The following CDH1 variants were observed in gnomAD, a reference collection of about 807,000 sequenced individuals.
CDH1 encodes cadherin-1.
A neutral mutation model predicts 84.5 loss-of-function variants in CDH1; 35 were observed. That is an observed-to-expected ratio of 0.41 (90% CI 0.32 to 0.55). The LOEUF is 0.55. Among genes scored for constraint, CDH1 ranks in the 20% least tolerant of loss-of-function variants. CDH1 has a pLI of 0.19. For missense variants in CDH1, 994 were observed against 1,126.6 expected, an observed-to-expected ratio of 0.88 and a Z score of 1.68; for synonymous variants, 417 against 439.0, an observed-to-expected ratio of 0.95 and a Z score of 0.63.
intron 2 of CDH1, among the ~76,000 whole-genome samples, chr16:68,787,521 TTA>T (rs1491161532): frequency 6.6e-6 from 1 of 152,122 alleles, no homozygotes; most frequent in African/African-American, 2.4e-5. Flanking sequence ...TTTTTTTTTT[TTA>T]AATAGAGATG....
intron 2 of CDH1, among the ~76,000 whole-genome samples, chr16:68,753,212 C>CAAAAA (rs55703202): frequency 5.1e-4 from 36 of 69,990 alleles, no homozygotes; most frequent in African/African-American, 1.7e-3. Flanking sequence ...GACTCAGTCT[C>CAAAAA]AAAAAAAAAA....
chr16:68,757,727 CTCTT>C lies in CDH1; in HGVS notation c.163+19328_163+19331del, dbSNP rs140916126. Among the ~76,000 whole-genome samples, 116 of 152,012 alleles carry C rather than the reference CTCTT, an allele frequency of 7.6e-4. 1 individual carries two copies. In the East Asian group the frequency reaches 0.011, roughly 14 times the overall value. On this transcript the variant is annotated intron_variant, in intron 2 of 15. Transcript: ENST00000261769. ...CCTGTGATTTTGGGCAAGTTTCTTT[CTCTT>C]TCTTTCTTTCTCTCTCTCTTTTTCT...
chr16:68,789,532 T>G (rs1960154616), intron 2 of CDH1, among the ~76,000 whole-genome samples: 1 of 152,028 alleles, frequency 6.6e-6, no homozygotes, highest in South Asian at 2.1e-4. Flanking sequence ...TTTTTTTTTT[T>G]GTAACAGCTT....
chr16:68,793,018 A>G (rs1375192997), intron 2 of CDH1, among the ~76,000 whole-genome samples: 1 of 152,102 alleles, frequency 6.6e-6, no homozygotes, highest in Admixed American at 6.6e-5. Context: ...CTTCATGCAA[A>G]TAAACTTCCA....
intron 2 of CDH1, among the ~76,000 whole-genome samples, chr16:68,787,277 A>G (rs1312105813): frequency 6.6e-6 from 1 of 152,148 alleles, no homozygotes; most frequent in Non-Finnish European, 1.5e-5. Context: ...TCTGGGGCGA[A>G]TGTTCCTTCA....
chr16:68,823,619 T>G lies in CDH1; in HGVS notation c.2157T>G (p.Ala719=), dbSNP rs762224244. ...AILGILGGIL[A]LLILILLLLL... ...TGGGGATTCTTGGAGGAATTCTTGC[T>G]TTGCTAAGTAAGTCCAGCTGGCAAG... Residue 719 remains alanine, a synonymous_variant, in exon 13 of 16, where the codon GCT becomes GCG. Coordinates refer to ENST00000261769, the MANE Select transcript of CDH1 (RefSeq NM_004360.5). The G allele has an allele frequency of 8.1e-6, 13 of 1,609,132 alleles. No individual in the cohort carries two copies. The South Asian group carries it at 1.1e-4, about 14-fold the overall frequency.
chr16:68,821,309 C>CA (rs374403857), intron 11 of CDH1, among the ~76,000 whole-genome samples: 8,519 of 151,656 alleles, frequency 0.056, 295 homozygotes, highest in African/African-American at 0.09. Flanking sequence ...CCCCTCTCTA[C>CA]AAAAAAAATT....
At chr16:68,806,883 A>G (rs1474116142) in intron 3 of CDH1, among the ~76,000 whole-genome samples, 2 of 152,170 alleles carry the variant, frequency 1.3e-5, no homozygotes, top group African/African-American at 4.8e-5. Context: ...ACATGTGGCC[A>G]GTGTGCAGCA....
At chr16:68,787,308 C>A (rs977021783) in intron 2 of CDH1, among the ~76,000 whole-genome samples, 1 of 152,180 alleles carries the variant, frequency 6.6e-6, no homozygotes, top group African/African-American at 2.4e-5. Flanking sequence ...TGCTCTGTGA[C>A]CTTGACAAGG....
chr16:68,741,834 C>G (rs1162212085), intron 2 of CDH1, among the ~76,000 whole-genome samples: 1 of 152,102 alleles, frequency 6.6e-6, no homozygotes, highest in African/African-American at 2.4e-5. Context: ...CACATGCCAC[C>G]ATGCCTTTGT....
At chr16:68,796,770 A>T (rs1026310749) in intron 2 of CDH1, among the ~76,000 whole-genome samples, 1 of 152,204 alleles carries the variant, frequency 6.6e-6, no homozygotes, top group South Asian at 2.1e-4. Context: ...TCATGAAAAA[A>T]AAAAGAATTC....
At chr16:68,802,834 A>G (rs1180817931) in intron 3 of CDH1, among the ~76,000 whole-genome samples, 1 of 152,150 alleles carries the variant, frequency 6.6e-6, no homozygotes, top group East Asian at 1.9e-4. Flanking sequence ...TTGGTGAAGA[A>G]GGAGAAGAAC....
At chr16:68,745,557 T>TATATGTATGTGTA (rs1176585006) in intron 2 of CDH1, among the ~76,000 whole-genome samples, 4 of 27,332 alleles carry the variant, frequency 1.5e-4, no homozygotes. Flanking sequence ...AAAATATATA[T>TATATGTATGTGTA]ATATATGTAT....
chr16:68,768,247 AATTACG>A (rs1412279991), intron 2 of CDH1, among the ~76,000 whole-genome samples: 2 of 152,184 alleles, frequency 1.3e-5, no homozygotes, highest in Admixed American at 1.3e-4. Flanking sequence ...CGCCCGGCTT[AATTACG>A]ATTTAAGAAA....
chr16:68,799,906 G>A (rs1044206286), intron 2 of CDH1, among the ~76,000 whole-genome samples: 6 of 151,914 alleles, frequency 3.9e-5, no homozygotes, highest in African/African-American at 1.5e-4. Flanking sequence ...CCAGCTACTC[G>A]GGAGGCTGAG....
rs33963999 is a variant in CDH1 at position 68,808,577 on chromosome 16, G to C, written c.531+10G>C. ...TAAAAACCTGGTTCAGGTAGAGAAA[G>C]AAGTTCTCTGTTTCTCTGGGAGGGA... On this transcript the variant is annotated intron_variant, in intron 4 of 15. Coordinates refer to ENST00000261769, the MANE Select transcript of CDH1 (RefSeq NM_004360.5). 0.052 allele frequency: 84,447 copies of C among 1,613,946 alleles called. 2,615 individuals carry two copies. Among genetic ancestry groups the C allele is most frequent in the Non-Finnish European group, 0.061 (71,995 of 1,179,830 alleles).
At chr16:68,788,376 A>T (rs1960121308) in intron 2 of CDH1, among the ~76,000 whole-genome samples, 1 of 152,212 alleles carries the variant, frequency 6.6e-6, no homozygotes, top group African/African-American at 2.4e-5. Flanking sequence ...TTGAGCTGTC[A>T]TCACAATCCA....
In CDH1 at chr16:68,822,525, C is replaced by T. The variant is rs954211046; in HGVS notation, c.1936+300C>T. On this transcript the variant is annotated intron_variant, in intron 12 of 15. Coordinates refer to ENST00000261769, the MANE Select transcript of CDH1 (RefSeq NM_004360.5). ...ACCAGGACCATCTTCTCTGCTACCTCCTGCTCCTGGGACCAAACAACACCA... is the reference window on the plus strand; with the variant it reads ...ACCAGGACCATCTTCTCTGCTACCTTCTGCTCCTGGGACCAAACAACACCA... 6 of 537,820 alleles carry T rather than the reference C, an allele frequency of 1.1e-5. No homozygotes were observed. The Admixed American group carries it at 1.6e-4, about 14-fold the overall frequency. 33.3% of individuals were successfully genotyped at this position (537,820 alleles called of 1,614,324 possible).
At chr16:68,794,961 G>A (rs1265093964) in intron 2 of CDH1, among the ~76,000 whole-genome samples, 2 of 151,776 alleles carry the variant, frequency 1.3e-5, no homozygotes, top group Admixed American at 1.3e-4. Flanking sequence ...CATAGTGCTG[G>A]GATTACAGGC....
Sources: allele counts gnomAD v4.1 joint callset (sites outside exome capture counted in the v4.1 genomes callset), GRCh38; gene constraint gnomAD v4.1.1; transcripts MANE v1.5; gene names NCBI Gene and HGNC (gene_info 2026-07-23, HGNC 2026-07-21).